The following TRANK1 variants were observed in gnomAD, a reference collection of about 807,000 sequenced individuals.
TRANK1 encodes the protein tetratricopeptide repeat and ankyrin repeat containing 1, also known as TPR and ankyrin repeat-containing protein 1.
TRANK1 carries 198 observed loss-of-function variants against 266.0 expected under a neutral mutation model. The ratio of observed to expected loss-of-function variants is 0.74; its 90% CI spans 0.66 to 0.84. The LOEUF is 0.84. Ranked by LOEUF, TRANK1 falls within the 40% of genes least tolerant of loss-of-function variation. The pLI, the probability that TRANK1 is intolerant of heterozygous loss-of-function variation, is 0.00. For missense variants in TRANK1, 3,326 were observed against 3,634.6 expected (o/e 0.92, Z 2.18); for synonymous variants, 1,396 against 1,384.1 (o/e 1.01, Z -0.19).
At chr3:36,901,102 T>C (rs528223442) in intron 3 of TRANK1, among the ~76,000 whole-genome samples, 1,110 of 20,466 alleles carry the variant, frequency 0.054, 3 homozygotes, top group Non-Finnish European at 0.074. Flanking sequence ...TTCAAGGTTG[T>C]TTTTTTTTTT....
At chr3:36,838,012 C>T (rs2078792743) in intron 20 of TRANK1, among the ~76,000 whole-genome samples, 1 of 152,124 alleles carries the variant, frequency 6.6e-6, no homozygotes, top group African/African-American at 2.4e-5. Context: ...AAATGCCAGG[C>T]CACTCAGCCA....
intron 2 of TRANK1, 137 bp from the exon 3 acceptor site, chr3:36,903,412 C>T (rs562617041): frequency 1.8e-6 from 2 of 1,101,304 alleles, no homozygotes; most frequent in African/African-American, 3.2e-5. Flanking sequence ...CTTATCAGAT[C>T]AGTCTCCCAG....
chr3:36,905,782 G>T (rs1417068032), intron 2 of TRANK1, among the ~76,000 whole-genome samples: 1 of 152,102 alleles, frequency 6.6e-6, no homozygotes, highest in Non-Finnish European at 1.5e-5. Flanking sequence ...AATCTTGCTT[G>T]GTTTAGACAC....
upstream of TRANK1, among the ~76,000 whole-genome samples, chr3:36,945,255 C>T (rs1244654399): frequency 1.3e-5 from 2 of 152,178 alleles, no homozygotes; most frequent in Non-Finnish European, 2.9e-5. Context: ...CAACCACCTC[C>T]GACACTCCTC....
In TRANK1 at chr3:36,856,712, T is replaced by A; in HGVS notation, c.3010A>T (p.Lys1004Ter). 3 of 1,614,072 alleles carry A rather than the reference T, an allele frequency of 1.9e-6. No homozygotes were observed. The highest frequency in any genetic ancestry group is 2.5e-6 in the Non-Finnish European group (3 of 1,179,894). ...RCYVEDTEAEKGREHVNPEYF... is the reference protein window; with the variant it reads ...RCYVEDTEAE Reference sequence around the variant, plus strand: ...TCAGGATTGACATGCTCCCTGCCCTTCTCGGCCTCTGTGTCCTCCACATAG... The same window carrying A: ...TCAGGATTGACATGCTCCCTGCCCTACTCGGCCTCTGTGTCCTCCACATAG... Residue 1004 changes from lysine to a stop codon, truncating the protein, a stop_gained, in exon 13 of 24, where the codon AAG (lysine) becomes TAG (stop). Transcript: ENST00000645898. LOFTEE classifies it high-confidence loss of function.
Position 36,828,075 on chromosome 3 carries a change from G to C in TRANK1, c.*200C>G, listed in dbSNP as rs1447130564. 5 of 534,504 alleles carry C rather than the reference G, an allele frequency of 9.4e-6. No homozygotes were observed. Among genetic ancestry groups the C allele is most frequent in the Admixed American group, 3.2e-5 (1 of 31,374 alleles). 33.1% of individuals were successfully genotyped at this position (534,504 alleles called of 1,614,324 possible). ...AACTAATACTGCCAGACTCTACTTGGAAACACTTTAGAGGTGAGGGAGCAA... is the reference window on the plus strand; with the variant it reads ...AACTAATACTGCCAGACTCTACTTGCAAACACTTTAGAGGTGAGGGAGCAA... On this transcript the variant is annotated 3_prime_UTR_variant, in exon 24 of 24. Coordinates refer to ENST00000645898, the MANE Select transcript of TRANK1 (RefSeq NM_001329998.2).
chr3:36,874,849 C>T (rs1028098952), intron 8 of TRANK1, among the ~76,000 whole-genome samples: 1 of 151,916 alleles, frequency 6.6e-6, no homozygotes, highest in Middle Eastern at 3.2e-3. Context: ...GTCACAGATG[C>T]AACTGTTTGC....
In TRANK1 at chr3:36,852,236, AG is replaced by A; in HGVS notation, c.4658del (p.Thr1553MetfsTer8). ...DSGLFDGPKP[T>X]VLESCSVSDL... ...CGCTTACACTACAAGACTCCAGAAC[AG>A]TTGGCTTAGGACCATCAAAGAGGCC... On this transcript the variant is annotated frameshift_variant, in exon 14 of 24. Transcript: ENST00000645898. LOFTEE classifies it high-confidence loss of function. 1 of 1,613,836 alleles carries A rather than the reference AG, an allele frequency of 6.2e-7. No homozygotes were observed. Among genetic ancestry groups the A allele is most frequent in the East Asian group, 2.2e-5 (1 of 44,886 alleles).
intron 8 of TRANK1, among the ~76,000 whole-genome samples, chr3:36,878,270 G>T (rs1329834387): frequency 1.3e-5 from 2 of 152,292 alleles, no homozygotes; most frequent in South Asian, 4.1e-4. Flanking sequence ...AACAGTTTCA[G>T]CCCAAAACCA....
chr3:36,903,766 G>A (rs2079919374), intron 2 of TRANK1, among the ~76,000 whole-genome samples: 1 of 152,222 alleles, frequency 6.6e-6, no homozygotes, highest in African/African-American at 2.4e-5. Flanking sequence ...ATGGCCAAAG[G>A]AGGGCCCTTT....
chr3:36,913,030 T>TTGTGTGTG (rs10633466), intron 1 of TRANK1, among the ~76,000 whole-genome samples: 8,781 of 143,990 alleles, frequency 0.061, 347 homozygotes, highest in African/African-American at 0.098. Context: ...TATGTCTCTT[T>TTGTGTGTG]TGTGTGTGTG....
rs1322559420 is a variant in TRANK1, at chr3:36,908,591, C to T, written c.24-137G>A. 8.9e-6 allele frequency: 11 copies of T among 1,230,336 alleles called. No homozygotes were observed. The African/African-American group carries it at 1.7e-4, about 19-fold the overall frequency. 76.2% of individuals were successfully genotyped at this position (1,230,336 alleles called of 1,614,324 possible). Reference sequence around the variant, plus strand: ...ACCTTCAAAGGGCACATCTTGGCAACACCTCTCACCACCAGGAAACCAGGC... The same window carrying T: ...ACCTTCAAAGGGCACATCTTGGCAATACCTCTCACCACCAGGAAACCAGGC... On this transcript the variant is annotated intron_variant, in intron 1 of 23. Transcript: ENST00000645898.
chr3:36,832,788 G>A lies in TRANK1; in HGVS notation c.6795C>T (p.Cys2265=), dbSNP rs1251971710. ...GGAAAAGGACATCCAGAATGGACTT[G>A]CAAAGGCCATACATATCTGTAGACA... The part of the protein sequence containing the change: ...YILSTDMYGL[C]KSILDVLFPK... The change falls in exon 22 of 24, where the codon TGC becomes TGT. Residue 2265 remains cysteine (C), a synonymous_variant. Coordinates refer to ENST00000645898, the MANE Select transcript of TRANK1 (RefSeq NM_001329998.2). The A allele has an allele frequency of 1.4e-5, 22 of 1,613,856 alleles. No individual in the cohort carries two copies. Among genetic ancestry groups the A allele is most frequent in the Non-Finnish European group, 1.4e-5 (17 of 1,179,894 alleles).
At chr3:36,894,670 G>A (rs1488986343) in intron 5 of TRANK1, among the ~76,000 whole-genome samples, 1 of 152,180 alleles carries the variant, frequency 6.6e-6, no homozygotes, top group East Asian at 1.9e-4. Context: ...GAGCCCCACA[G>A]ATTTCATTCG....
At chr3:36,846,428 G>T in intron 16 of TRANK1, 24 bp from the exon 17 acceptor site, 1 of 1,597,154 alleles carries the variant, frequency 6.3e-7, no homozygotes, top group Non-Finnish European at 8.5e-7. Context: ...TGAGGACAAA[G>T]ATGATGAGCC....
chr3:36,835,521 A>G (rs532646683), intron 20 of TRANK1, among the ~76,000 whole-genome samples: 1 of 152,262 alleles, frequency 6.6e-6, no homozygotes, highest in South Asian at 2.1e-4. Flanking sequence ...GTCACACTCA[A>G]GTGGAAGGAG....
intron 2 of TRANK1, among the ~76,000 whole-genome samples, chr3:36,903,797 TG>T (rs1290610057): frequency 3.9e-5 from 6 of 152,304 alleles, no homozygotes; most frequent in Admixed American, 2.0e-4. Flanking sequence ...AGGGCAGGGA[TG>T]GCTCTGGCCT....
chr3:36,924,189 C>T (rs2080256572), intron 1 of TRANK1, among the ~76,000 whole-genome samples: 1 of 152,158 alleles, frequency 6.6e-6, no homozygotes. Context: ...TTTCCTCGTA[C>T]CTGGGCTGAT....
At chr3:36,840,522 A>G (rs2078829887) in intron 18 of TRANK1, among the ~76,000 whole-genome samples, 1 of 152,192 alleles carries the variant, frequency 6.6e-6, no homozygotes. Flanking sequence ...TCCCATCAAG[A>G]GTCCTGCCTA....
Sources: allele counts gnomAD v4.1 joint callset (sites outside exome capture counted in the v4.1 genomes callset), GRCh38; gene constraint gnomAD v4.1.1; transcripts MANE v1.5; gene names NCBI Gene and HGNC (gene_info 2026-07-23, HGNC 2026-07-21).